The following TNS3 variants were observed in gnomAD, a reference collection of about 807,000 sequenced individuals.
The protein encoded by TNS3 is tensin-3.
In TNS3, 45 loss-of-function variants were observed where a neutral mutation model predicts 140.9. The observed-to-expected ratio is 0.32, with a 90% CI of 0.25 to 0.41. The LOEUF (loss-of-function observed/expected upper bound fraction) is 0.41, where lower values mean the gene tolerates loss of function less well. Among genes scored for constraint, TNS3 ranks in the 10% least tolerant of loss-of-function variants. The probability of loss-of-function intolerance (pLI) is 1.00; values close to 1 mark genes in which losing one functional copy is unlikely to be tolerated. For missense variants in TNS3, 1,716 were observed against 1,906.7 expected (o/e 0.90, Z 1.86); for synonymous variants, 815 against 788.4 (o/e 1.03, Z -0.56).
intron 2 of TNS3, among the ~76,000 whole-genome samples, chr7:47,528,455 C>G (rs1799278962): frequency 6.6e-6 from 1 of 152,176 alleles, no homozygotes; most frequent in African/African-American, 2.4e-5. Context: ...CTAGTGACTC[C>G]CTCTGTGTGG....
At chr7:47,327,851 C>CA (rs1220045955) in intron 20 of TNS3, among the ~76,000 whole-genome samples, 1 of 151,544 alleles carries the variant, frequency 6.6e-6, no homozygotes, top group African/African-American at 2.4e-5. Context: ...CACCCCCCTC[C>CA]ACTGGAGCCC....
At chr7:47,353,056 G>A (rs962703331) in intron 17 of TNS3, among the ~76,000 whole-genome samples, 6 of 152,160 alleles carry the variant, frequency 3.9e-5, no homozygotes, top group African/African-American at 9.7e-5. Flanking sequence ...GCTCTGGTAC[G>A]CTGCCTACCA....
chr7:47,482,060 G>A (rs115455963), intron 3 of TNS3, among the ~76,000 whole-genome samples: 1 of 152,220 alleles, frequency 6.6e-6, no homozygotes, highest in Non-Finnish European at 1.5e-5. Context: ...CCGCTCAGGA[G>A]CCAGGCGCCA....
At chr7:47,507,488 C>T (rs1459356071) in intron 2 of TNS3, among the ~76,000 whole-genome samples, 1 of 152,106 alleles carries the variant, frequency 6.6e-6, no homozygotes. Flanking sequence ...CTTCCACTTC[C>T]GGCCAACCTG....
chr7:47,381,557 C>T (rs2151226042), intron 16 of TNS3, among the ~76,000 whole-genome samples: 1 of 152,266 alleles, frequency 6.6e-6, no homozygotes, highest in South Asian at 2.1e-4. Context: ...CCTTCAGGTT[C>T]CCACAGCACA....
At position 47,498,735 on chromosome 7, in the gene TNS3, A is replaced by G. The variant is rs150686438; in HGVS notation, c.-115+8172T>C. ...CCATCACAGGGCGAGAACTTCACTC[A>G]TAACCAGACAGCCAACATGGTCCCG... On this transcript the variant is annotated intron_variant, in intron 3 of 30. Transcript: ENST00000311160. Among the ~76,000 whole-genome samples the G allele has an allele frequency of 3.5e-3, 532 of 152,370 alleles. 3 individuals are homozygous for G. The highest frequency in any genetic ancestry group is 6.0e-3 in the Non-Finnish European group (405 of 68,034).
intron 4 of TNS3, among the ~76,000 whole-genome samples, chr7:47,469,709 C>T (rs1796868047): frequency 6.6e-6 from 1 of 152,130 alleles, no homozygotes; most frequent in South Asian, 2.1e-4. Context: ...CACGGTGGCT[C>T]ACGCCTGTAA....
chr7:47,386,426 G>A (rs529978144), intron 16 of TNS3, among the ~76,000 whole-genome samples: 1 of 152,336 alleles, frequency 6.6e-6, no homozygotes, highest in South Asian at 2.1e-4. Flanking sequence ...TTAAATCTGG[G>A]CTCCCAGCTC....
At chr7:47,475,532 CCG>C (rs1491285853) in intron 4 of TNS3, among the ~76,000 whole-genome samples, 4 of 19,040 alleles carry the variant, frequency 2.1e-4, no homozygotes, top group Admixed American at 2.0e-3. Flanking sequence ...CGGCACTTCC[CCG>C]GGGGGGGGGC....
chr7:47,530,739 CTTGAACCCAGGAGGTGGAGG>C (rs1479087607), intron 1 of TNS3, among the ~76,000 whole-genome samples: 2 of 148,456 alleles, frequency 1.3e-5, no homozygotes, highest in East Asian at 4.0e-4. Context: ...CAGGAAATCG[CTTGAACCCAGGAGGTGGAGG>C]TTGCAGTGAG....
chr7:47,446,271 C>A lies in TNS3; in HGVS notation c.-75-4216G>T, dbSNP rs187966561. ...GGACTACAGGTGCCTGCTACCATGC[C>A]CAGCTAATTTTTTTGTATTTTTAAT... On this transcript the variant is annotated intron_variant, in intron 4 of 30. Coordinates refer to ENST00000311160, the MANE Select transcript of TNS3 (RefSeq NM_022748.12). 7.9e-5 allele frequency among the ~76,000 whole-genome samples: 12 copies of A among 152,126 alleles called. No homozygotes were observed. In the East Asian group the frequency reaches 2.3e-3, roughly 29 times the overall value.
At chr7:47,520,124 C>T (rs993179674) in intron 2 of TNS3, among the ~76,000 whole-genome samples, 1 of 151,866 alleles carries the variant, frequency 6.6e-6, no homozygotes, top group African/African-American at 2.4e-5. Flanking sequence ...CATGCCCGGC[C>T]GCTCCTCACA....
chr7:47,349,905 A>G (rs1789564128), intron 17 of TNS3, among the ~76,000 whole-genome samples: 1 of 152,254 alleles, frequency 6.6e-6, no homozygotes, highest in Admixed American at 6.5e-5. Context: ...AGAAAAGCCC[A>G]TTATCACTCC....
At chr7:47,515,025 AG>A (rs1220867601) in intron 2 of TNS3, among the ~76,000 whole-genome samples, 1 of 152,218 alleles carries the variant, frequency 6.6e-6, no homozygotes, top group Non-Finnish European at 1.5e-5. Context: ...CAAGGTTTTG[AG>A]GAGTGTAAGA....
chr7:47,462,262 G>A lies in TNS3; in HGVS notation c.-76+18841C>T, dbSNP rs111655394. Among the ~76,000 whole-genome samples the A allele has an allele frequency of 4.9e-4, 75 of 152,276 alleles. 2 individuals carry two copies. The highest frequency in any genetic ancestry group is 2.5e-3 in the East Asian group (13 of 5,190). On this transcript the variant is annotated intron_variant, in intron 4 of 30. Coordinates refer to ENST00000311160, the MANE Select transcript of TNS3 (RefSeq NM_022748.12). Reference sequence around the variant, plus strand: ...TTGCCCCTGTATTAATACCAGTAACGATCATTGTCACAGCAAGTTATTCCA... The same window carrying A: ...TTGCCCCTGTATTAATACCAGTAACAATCATTGTCACAGCAAGTTATTCCA...
At chr7:47,451,305 C>T (rs1179132778) in intron 4 of TNS3, among the ~76,000 whole-genome samples, 1 of 152,172 alleles carries the variant, frequency 6.6e-6, no homozygotes, top group Non-Finnish European at 1.5e-5. Context: ...AAAGGCCAGG[C>T]ACAGTGGCTC....
At chr7:47,415,799 G>A (rs1464545904) in intron 10 of TNS3, among the ~76,000 whole-genome samples, 1 of 152,258 alleles carries the variant, frequency 6.6e-6, no homozygotes, top group African/African-American at 2.4e-5. Flanking sequence ...GGCCATGTGG[G>A]CCATCAGCCT....
chr7:47,346,384 AG>A (rs1562619247), intron 17 of TNS3, 28 bp from the exon 18 acceptor site: 2 of 1,611,980 alleles, frequency 1.2e-6, no homozygotes, highest in African/African-American at 2.7e-5. Flanking sequence ...AGCAGGCTGC[AG>A]GGCGCTTCCT....
chr7:47,523,721 A>T (rs1477095617), intron 2 of TNS3, among the ~76,000 whole-genome samples: 1 of 151,912 alleles, frequency 6.6e-6, no homozygotes, highest in African/African-American at 2.4e-5. Flanking sequence ...CTGATAATGG[A>T]CCTCCTGCCA....
Sources: allele counts gnomAD v4.1 joint callset (sites outside exome capture counted in the v4.1 genomes callset), GRCh38; gene constraint gnomAD v4.1.1; transcripts MANE v1.5; gene names NCBI Gene and HGNC (gene_info 2026-07-23, HGNC 2026-07-21).